Variants in PAPPA2 observed in about 807,000 individuals in gnomAD.
PAPPA2 encodes pappalysin-2.
Under a neutral mutation model 176.4 loss-of-function variants are expected in PAPPA2, and 86 were observed. The ratio of observed to expected loss-of-function variants is 0.49; its 90% CI spans 0.41 to 0.58. PAPPA2 has a LOEUF of 0.58. Ranked by LOEUF, PAPPA2 falls within the 20% of genes least tolerant of loss-of-function variation. The pLI, the probability that PAPPA2 is intolerant of heterozygous loss-of-function variation, is 0.00. For synonymous variants in PAPPA2, 809 were observed against 852.2 expected (o/e 0.95, Z 0.88); for missense variants, 2,073 against 2,256.9 (o/e 0.92, Z 1.65).
At chr1:176,654,393 A>G (rs1042413978) in intron 3 of PAPPA2, among the ~76,000 whole-genome samples, 4 of 150,566 alleles carry the variant, frequency 2.7e-5, no homozygotes, top group African/African-American at 9.7e-5. Context: ...TGAGTTTTCT[A>G]TTCTGTCCCA....
At chr1:176,738,228 A>G (rs1236838366) in intron 12 of PAPPA2, among the ~76,000 whole-genome samples, 1 of 152,102 alleles carries the variant, frequency 6.6e-6, no homozygotes, top group Non-Finnish European at 1.5e-5. Flanking sequence ...AGTTATGAAG[A>G]AACATTTGTT....
intron 14 of PAPPA2, among the ~76,000 whole-genome samples, chr1:176,760,297 T>C (rs1663639696): frequency 6.6e-6 from 1 of 152,214 alleles, no homozygotes; most frequent in African/African-American, 2.4e-5. Flanking sequence ...TGGCTTCTTT[T>C]TGATAATTTG....
chr1:176,630,582 G>T (rs372632463), intron 3 of PAPPA2, among the ~76,000 whole-genome samples: 7 of 152,158 alleles, frequency 4.6e-5, no homozygotes, highest in African/African-American at 1.7e-4. Context: ...ACATTGTAGA[G>T]GTTATTTTAG....
chr1:176,581,343 A>G (rs768483845), intron 2 of PAPPA2, among the ~76,000 whole-genome samples: 8 of 152,198 alleles, frequency 5.3e-5, no homozygotes, highest in Non-Finnish European at 8.8e-5. Context: ...TGCCAGTACA[A>G]TGCTATTTTG....
At chr1:176,472,212 A>G (rs1410326334) in intron 1 of PAPPA2, among the ~76,000 whole-genome samples, 1 of 152,150 alleles carries the variant, frequency 6.6e-6, no homozygotes, top group Non-Finnish European at 1.5e-5. Context: ...CTTTTATTCA[A>G]TTGTTTTCAA....
At chr1:176,582,874 C>A (rs916016192) in intron 2 of PAPPA2, among the ~76,000 whole-genome samples, 1 of 152,136 alleles carries the variant, frequency 6.6e-6, no homozygotes, top group Non-Finnish European at 1.5e-5. Context: ...TGTAGTAAAG[C>A]AGTGAAGACT....
chr1:176,552,126 T>A (rs1650994562), intron 1 of PAPPA2, among the ~76,000 whole-genome samples: 1 of 152,122 alleles, frequency 6.6e-6, no homozygotes, highest in African/African-American at 2.4e-5. Flanking sequence ...TTTCTTTATG[T>A]TTAATCATCA....
Position 176,524,460 on chromosome 1 carries a change from A to G in PAPPA2, c.-916-30947A>G, listed in dbSNP as rs374131857. On this transcript the variant is annotated intron_variant, in intron 1 of 22. Coordinates refer to ENST00000367662, the MANE Select transcript of PAPPA2 (RefSeq NM_020318.3). Reference sequence around the variant, plus strand: ...GAAAACAGCATTATAACAACTCAACACTACAAGGAAGATGATGTTAAAATA... The same window carrying G: ...GAAAACAGCATTATAACAACTCAACGCTACAAGGAAGATGATGTTAAAATA... 3.9e-5 allele frequency among the ~76,000 whole-genome samples: 6 copies of G among 152,308 alleles called. 1 individual carries two copies.
Position 176,690,305 on chromosome 1 carries a change from A to G in PAPPA2, c.2306A>G (p.Asp769Gly). Reference sequence around the variant, plus strand: ...ACAGTGCCATCCATGGAAACGGGAGACCTCTGTGCCGACACCGCCCCCACT... The same window carrying G: ...ACAGTGCCATCCATGGAAACGGGAGGCCTCTGTGCCGACACCGCCCCCACT... ...KETVPSMETG[D>G]LCADTAPTPK... The change falls in exon 5 of 23, where the codon GAC becomes GGC. Residue 769 changes from aspartate to glycine, a missense_variant. By Grantham distance (94) the Asp-to-Gly change is moderately conservative. Around this residue, in one of 4 missense-constraint regions of PAPPA2, gnomAD observed 1,196 missense variants for 1,330.4 expected, o/e 0.90. Coordinates refer to ENST00000367662, the MANE Select transcript of PAPPA2 (RefSeq NM_020318.3). 6.2e-7 allele frequency: 1 copy of G among 1,613,892 alleles called. No homozygotes were observed. The highest frequency in any genetic ancestry group is 8.5e-7 in the Non-Finnish European group (1 of 1,179,958).
chr1:176,837,336 A>T (rs112333499), intron 21 of PAPPA2, among the ~76,000 whole-genome samples: 1 of 152,040 alleles, frequency 6.6e-6, no homozygotes, highest in African/African-American at 2.4e-5. Flanking sequence ...TCTGGCTCAA[A>T]CATAAATCAT....
chr1:176,588,091 C>T (rs1482409444), intron 2 of PAPPA2, among the ~76,000 whole-genome samples: 1 of 152,178 alleles, frequency 6.6e-6, no homozygotes, highest in East Asian at 1.9e-4. Flanking sequence ...TATCCTTGAG[C>T]AGTGGTTTGT....
chr1:176,691,433 TC>T lies in PAPPA2; in HGVS notation c.2432-688del, dbSNP rs542123935. Among the ~76,000 whole-genome samples the T allele has an allele frequency of 1.1e-4, 16 of 152,158 alleles. No homozygotes were observed. In the South Asian group the frequency reaches 3.3e-3, roughly 32 times the overall value. The stretch of plus-strand genomic sequence containing the variant: ...TCAGATGTGTAAGCACCAGCACCTC[TC>T]CCCCATCAAGGGGCAGAAACACCAG... On this transcript the variant is annotated intron_variant, in intron 5 of 22. Transcript: ENST00000367662.
At chr1:176,600,655 G>T (rs1482182841) in intron 3 of PAPPA2, among the ~76,000 whole-genome samples, 1 of 126,340 alleles carries the variant, frequency 7.9e-6, no homozygotes, top group Admixed American at 9.0e-5. Flanking sequence ...CAGCCTGGGC[G>T]ACAGAGCGAG....
intron 4 of PAPPA2, among the ~76,000 whole-genome samples, chr1:176,673,525 T>C (rs970237602): frequency 6.6e-6 from 1 of 152,142 alleles, no homozygotes; most frequent in Non-Finnish European, 1.5e-5. Context: ...GGCCCAGGTC[T>C]ATCAATAGGA....
intron 12 of PAPPA2, among the ~76,000 whole-genome samples, chr1:176,736,783 A>G (rs1662437845): frequency 6.6e-6 from 1 of 151,124 alleles, no homozygotes; most frequent in Non-Finnish European, 1.5e-5. Flanking sequence ...CCTGCAAGAA[A>G]AATTATATAT....
At chr1:176,545,419 TAAA>T (rs1248197625) in intron 1 of PAPPA2, among the ~76,000 whole-genome samples, 6 of 90,552 alleles carry the variant, frequency 6.6e-5, no homozygotes, top group Non-Finnish European at 1.4e-4. Flanking sequence ...TCAGAAAAAA[TAAA>T]TAAATAAATA....
rs78936677 is a variant in PAPPA2 at position 176,584,129 on chromosome 1, A to G, written c.920-10395A>G. On this transcript the variant is annotated intron_variant, in intron 2 of 22. Coordinates refer to ENST00000367662, the MANE Select transcript of PAPPA2 (RefSeq NM_020318.3). ...ACATGTACTGATAAAAAGAATGTGTATTCTGCAGCTGTTGTGTGAAATGTT... is the reference window on the plus strand; with the variant it reads ...ACATGTACTGATAAAAAGAATGTGTGTTCTGCAGCTGTTGTGTGAAATGTT... 9.5e-3 allele frequency among the ~76,000 whole-genome samples: 1,450 copies of G among 152,294 alleles called. 76 individuals are homozygous for G. Among genetic ancestry groups the G allele is most frequent in the Admixed American group, 0.071 (1,084 of 15,296 alleles).
intron 1 of PAPPA2, among the ~76,000 whole-genome samples, chr1:176,550,525 C>T (rs1650887182): frequency 6.6e-6 from 1 of 152,184 alleles, no homozygotes; most frequent in South Asian, 2.1e-4. Flanking sequence ...TTACAGAAAA[C>T]ACTTACCCAA....
intron 1 of PAPPA2, among the ~76,000 whole-genome samples, chr1:176,518,783 A>G (rs1284694395): frequency 6.6e-6 from 1 of 152,182 alleles, no homozygotes; most frequent in Non-Finnish European, 1.5e-5. Context: ...CCCAGAATGG[A>G]CATACATCTC....
Sources: allele counts gnomAD v4.1 joint callset (sites outside exome capture counted in the v4.1 genomes callset), GRCh38; gene constraint gnomAD v4.1.1; regional missense constraint gnomAD v4.1.1; transcripts MANE v1.5; gene names NCBI Gene and HGNC (gene_info 2026-07-23, HGNC 2026-07-21).